Variants in FCRLA observed in about 807,000 individuals in gnomAD.
The protein encoded by FCRLA is Fc receptor-like A.
In FCRLA, 26 loss-of-function variants were observed where a neutral mutation model predicts 28.4. The observed-to-expected ratio is 0.91, with a 90% confidence interval of 0.67 to 1.27. The LOEUF (loss-of-function observed/expected upper bound fraction) is 1.27, where lower values mean the gene tolerates loss of function less well. Among genes scored for constraint, FCRLA ranks in the 50% most tolerant of loss-of-function variants. The pLI, the probability that FCRLA is intolerant of heterozygous loss-of-function variation, is 0.00. For missense variants in FCRLA, 422 were observed against 433.1 expected (o/e 0.97, Z 0.23); for synonymous variants, 174 against 168.5 (o/e 1.03, Z -0.25).
chr1:161,707,485 A>C, intron 1 of FCRLA, 142 bp downstream of exon 1: 1 of 910,438 alleles, frequency 1.1e-6, no homozygotes, highest in Non-Finnish European at 1.6e-6. Context: ...AGGTATAAGA[A>C]AGTTTGGTGT....
intron 2 of FCRLA, 116 bp downstream of exon 2, chr1:161,711,028 C>G: frequency 6.8e-7 from 1 of 1,467,632 alleles, no homozygotes; most frequent in Non-Finnish European, 9.3e-7. Flanking sequence ...CCTTCCCAGT[C>G]TTCAGCCCAC....
At chr1:161,707,430 T>C in intron 1 of FCRLA, 87 bp downstream of exon 1, 1 of 1,424,058 alleles carries the variant, frequency 7.0e-7, no homozygotes, top group Non-Finnish European at 9.4e-7. Flanking sequence ...CATGGACTAA[T>C]TCTGGCCCTC....
chr1:161,711,040 G>A, intron 2 of FCRLA, 128 bp downstream of exon 2: 3 of 1,451,262 alleles, frequency 2.1e-6, no homozygotes, highest in African/African-American at 1.4e-5. Flanking sequence ...TCAGCCCACA[G>A]CAACCAGGGT....
At chr1:161,713,058 G>A in intron 4 of FCRLA, 27 bp from the exon 5 acceptor site, 3 of 1,595,476 alleles carry the variant, frequency 1.9e-6, no homozygotes, top group Non-Finnish European at 2.6e-6. Flanking sequence ...CTTCACTCTT[G>A]TATGTGCCTC....
chr1:161,707,796 T>C (rs1267520618), intron 1 of FCRLA, among the ~76,000 whole-genome samples: 1 of 152,180 alleles, frequency 6.6e-6, no homozygotes, highest in Non-Finnish European at 1.5e-5. Context: ...CTGGGCTCTG[T>C]TGATCACTTA....
chr1:161,709,270 G>A (rs1318621342), intron 1 of FCRLA, among the ~76,000 whole-genome samples: 1 of 152,030 alleles, frequency 6.6e-6, no homozygotes, highest in Non-Finnish European at 1.5e-5. Context: ...TGGGACCACA[G>A]GCAAGTGCCA....
chr1:161,710,679 C>T (rs1490360226), intron 1 of FCRLA, 81 bp from the exon 2 acceptor site: 3 of 1,572,944 alleles, frequency 1.9e-6, no homozygotes, highest in Non-Finnish European at 2.6e-6. Flanking sequence ...GATGATTATC[C>T]TGGGAGATGG....
chr1:161,707,404 A>G lies in FCRLA; in HGVS notation c.79+61A>G. On this transcript the variant is annotated intron_variant, in intron 1 of 4. Transcript: ENST00000236938. ...AGCTTTGCTTACCTTGGGAGAAAGG[A>G]CCAGAAGGAAAGAAACATGGACTAA... is the stretch of plus-strand genomic sequence containing the variant. 3 of 1,506,168 alleles carry G rather than the reference A, an allele frequency of 2.0e-6. No homozygotes were observed. In the South Asian group the frequency reaches 4.0e-5, roughly 20 times the overall value. 93.3% of individuals were successfully genotyped at this position (1,506,168 alleles called of 1,614,324 possible). A position where few individuals can be genotyped will look rare whatever the true frequency, so the allele number is the denominator to read the frequency against.
intron 1 of FCRLA, among the ~76,000 whole-genome samples, chr1:161,709,082 T>C (rs1028261388): frequency 1.3e-5 from 2 of 152,216 alleles, no homozygotes; most frequent in Non-Finnish European, 2.9e-5. Context: ...ACCTACCACC[T>C]AAGGTTTATT....
chr1:161,711,941 T>TC lies in FCRLA; in HGVS notation c.509dup (p.Ala171SerfsTer11). 1 of 1,609,348 alleles carries TC rather than the reference T, an allele frequency of 6.2e-7. No individual in the cohort carries two copies. The highest frequency in any genetic ancestry group is 8.5e-7 in the Non-Finnish European group (1 of 1,177,356). Reference sequence around the variant, plus strand: ...TGCCTATCTTTTTCCCAGAACTGTTTCCAGCGCCAATTCTCAGAGCTGTAC... The same window carrying TC: ...TGCCTATCTTTTTCCCAGAACTGTTTCCCAGCGCCAATTCTCAGAGCTGTAC... On this transcript the variant is annotated frameshift_variant, in exon 4 of 5. Transcript: ENST00000236938. LOFTEE classifies it high-confidence loss of function.
rs1254702467 is a variant in FCRLA at position 161,707,303 on chromosome 1, C to T, written c.39C>T (p.Tyr13=). 4 of 1,613,272 alleles carry T rather than the reference C, an allele frequency of 2.5e-6. No homozygotes were observed. The highest frequency in any genetic ancestry group is 1.7e-5 in the Admixed American group (1 of 59,894). The change falls in exon 1 of 5, where the codon TAC becomes TAT. Residue 13 remains tyrosine (Y), a synonymous_variant. Coordinates refer to ENST00000236938, the MANE Select transcript of FCRLA (RefSeq NM_032738.4). ...GTGTCCTCATGGCCTGGGCCCTCTA[C>T]CTTTCCCTTGGTGTGCTCTGGGTGG... is the stretch of plus-strand genomic sequence containing the variant. The part of the protein sequence containing the change: ...LGCVLMAWAL[Y]LSLGVLWVAQ...
chr1:161,711,556 G>A (rs1420260663), intron 3 of FCRLA, 82 bp downstream of exon 3: 2 of 1,506,320 alleles, frequency 1.3e-6, no homozygotes, highest in Admixed American at 2.1e-5. Context: ...TTAGCCTGGA[G>A]GTAGCAAGAT....
Position 161,713,501 on chromosome 1 carries a change from A to G in FCRLA, c.*121A>G. 1 of 789,180 alleles carries G rather than the reference A, an allele frequency of 1.3e-6. No homozygotes were observed. The highest frequency in any genetic ancestry group is 2.0e-6 in the Non-Finnish European group (1 of 494,336). 48.9% of individuals were successfully genotyped at this position (789,180 alleles called of 1,614,324 possible). On this transcript the variant is annotated 3_prime_UTR_variant, in exon 5 of 5. Transcript: ENST00000236938. ...ACAAGTTGTCCCAGTGTTTTGTTAG[A>G]ATAATGTAGTTAGGTGAGTGTAAAT...
Position 161,714,281 on chromosome 1 carries a change from CTG to C in FCRLA, c.*903_*904del, listed in dbSNP as rs1683247763. 1 of 152,266 alleles carries C rather than the reference CTG, an allele frequency of 6.6e-6. No homozygotes were observed. Among genetic ancestry groups the C allele is most frequent in the Non-Finnish European group, 1.5e-5 (1 of 68,036 alleles). The allele number at this position is 152,266 out of a possible 1,614,324, so 9.4% of individuals were successfully genotyped here. A position where few individuals can be genotyped will look rare whatever the true frequency, so the allele number is the denominator to read the frequency against. ...AAACAGCTGTCGCCAAACACCGACT[CTG>C]TCGTTGCCTTGATCTTGAACTTCCA... On this transcript the variant is annotated 3_prime_UTR_variant, in exon 5 of 5. Transcript: ENST00000236938.
In FCRLA at chr1:161,710,727, T is replaced by C. The variant is rs561143514; in HGVS notation, c.80-33T>C. The C allele has an allele frequency of 4.3e-6, 7 of 1,613,982 alleles. No homozygotes were observed. In the East Asian group the frequency reaches 1.3e-4, roughly 31 times the overall value. The stretch of plus-strand genomic sequence containing the variant: ...CTCTTTCTCCAAGTTGCATCATCAT[T>C]TTCTGGTTCTCCCTGGGCCATGCCC... On this transcript the variant is annotated intron_variant, in intron 1 of 4. Transcript: ENST00000236938.
chr1:161,711,335 T>TCC lies in FCRLA; in HGVS notation c.365_366dup (p.Gly123ProfsTer67). ...TCTACCGAGATGGCTCAGCTCTGGG[T>TCC]CCCCCCGGGCCTAACAGGGAATTCT... On this transcript the variant is annotated frameshift_variant, in exon 3 of 5. Coordinates refer to ENST00000236938, the MANE Select transcript of FCRLA (RefSeq NM_032738.4). LOFTEE classifies it high-confidence loss of function. 3.1e-6 allele frequency: 5 copies of TCC among 1,613,812 alleles called. No individual in the cohort carries two copies. The highest frequency in any genetic ancestry group is 4.2e-6 in the Non-Finnish European group (5 of 1,179,906).
In FCRLA at chr1:161,712,256, T is replaced by A. The variant is rs144396572; in HGVS notation, c.784+38T>A. The A allele has an allele frequency of 4.4e-4, 693 of 1,582,268 alleles. 1 individual carries two copies. In the African/African-American group the frequency reaches 8.3e-3, roughly 19 times the overall value. ...CAGAGTGCAGGTTGTCTGTTTGGCATGCGTGTGAGTGAAAAGGAGGGATAG... is the reference window on the plus strand; with the variant it reads ...CAGAGTGCAGGTTGTCTGTTTGGCAAGCGTGTGAGTGAAAAGGAGGGATAG... On this transcript the variant is annotated intron_variant, in intron 4 of 4. Coordinates refer to ENST00000236938, the MANE Select transcript of FCRLA (RefSeq NM_032738.4).
rs368233291 is a variant in FCRLA at position 161,707,263 on chromosome 1, C to T, written c.-2C>T. 5.3e-5 allele frequency: 85 copies of T among 1,613,916 alleles called. No individual in the cohort carries two copies. Among genetic ancestry groups the T allele is most frequent in the South Asian group, 3.1e-4 (28 of 91,092 alleles). ...GTTGCAGGAGACCTAAACACAGTCA[C>T]CATGAAGCTGGGCTGTGTCCTCATG... On this transcript the variant is annotated 5_prime_UTR_variant, in exon 1 of 5. Coordinates refer to ENST00000236938, the MANE Select transcript of FCRLA (RefSeq NM_032738.4).
At chr1:161,708,812 G>A (rs182763052) in intron 1 of FCRLA, among the ~76,000 whole-genome samples, 4 of 152,230 alleles carry the variant, frequency 2.6e-5, no homozygotes, top group East Asian at 1.9e-4. Flanking sequence ...GGCTGCTTGC[G>A]ATACATTTTT....
Sources: allele counts gnomAD v4.1 joint callset (sites outside exome capture counted in the v4.1 genomes callset), GRCh38; gene constraint gnomAD v4.1.1; transcripts MANE v1.5; gene names NCBI Gene and HGNC (gene_info 2026-07-23, HGNC 2026-07-21).